Variants in IL1RAPL1 observed in about 807,000 individuals in gnomAD.
IL1RAPL1 encodes interleukin-1 receptor accessory protein-like 1.
A neutral mutation model predicts 48.4 loss-of-function variants in IL1RAPL1; 3 were observed. The observed-to-expected ratio is 0.06, with a 90% CI of 0.03 to 0.16. IL1RAPL1 has a LOEUF of 0.16. Among genes scored for constraint, IL1RAPL1 ranks in the 10% least tolerant of loss-of-function variants. The probability of loss-of-function intolerance (pLI) is 1.00; values close to 1 mark genes in which losing one functional copy is unlikely to be tolerated. For synonymous variants in IL1RAPL1, 185 were observed against 187.7 expected, an observed-to-expected ratio of 0.99 and a Z score of 0.12; for missense variants, 349 against 530.6, an observed-to-expected ratio of 0.66 and a Z score of 3.36.
At chrX:29,384,734 A>G (rs1382032651) in intron 3 of IL1RAPL1, among the ~76,000 whole-genome samples, 1 of 112,391 alleles carries the variant, frequency 8.9e-6, no homozygotes, top group Non-Finnish European at 1.9e-5. Flanking sequence ...TGCTTGAGCA[A>G]TTCGGTGGAT....
intron 6 of IL1RAPL1, among the ~76,000 whole-genome samples, chrX:29,901,435 T>C (rs756541372): frequency 3.6e-5 from 4 of 112,188 alleles, no homozygotes; most frequent in African/African-American, 9.7e-5. Context: ...CAGGGTTACA[T>C]GTAAGTTGTG....
intron 5 of IL1RAPL1, among the ~76,000 whole-genome samples, chrX:29,554,806 C>G (rs1295851758): frequency 8.9e-6 from 1 of 111,824 alleles, no homozygotes. Flanking sequence ...TGAATCTGCA[C>G]TTACTGTAAT....
At chrX:29,149,962 C>T (rs750038040) in intron 2 of IL1RAPL1, among the ~76,000 whole-genome samples, 15 of 111,514 alleles carry the variant, frequency 1.3e-4, no homozygotes, top group Non-Finnish European at 1.9e-4. Flanking sequence ...GTACTGTCAC[C>T]GATTAGATGT....
intron 3 of IL1RAPL1, among the ~76,000 whole-genome samples, chrX:29,379,730 G>A (rs976894514): frequency 9.0e-6 from 1 of 111,679 alleles, no homozygotes; most frequent in Non-Finnish European, 1.9e-5. Context: ...CAGTGCCTGC[G>A]TCACATTTCC....
intron 5 of IL1RAPL1, among the ~76,000 whole-genome samples, chrX:29,493,372 A>G (rs1392212757): frequency 8.9e-6 from 1 of 112,664 alleles, no homozygotes; most frequent in Admixed American, 9.4e-5. Context: ...CATATTTAAT[A>G]TGTTACATGA....
chrX:28,955,665 C>CTG (rs1222621571), intron 2 of IL1RAPL1, among the ~76,000 whole-genome samples: 1 of 108,105 alleles, frequency 9.3e-6, no homozygotes, highest in African/African-American at 3.4e-5. Flanking sequence ...CAGTAACATG[C>CTG]TGTTTTGGTT....
chrX:28,856,246 G>A (rs973775365), intron 2 of IL1RAPL1, among the ~76,000 whole-genome samples: 4 of 111,670 alleles, frequency 3.6e-5, no homozygotes, highest in Non-Finnish European at 7.5e-5. Context: ...ATATGTGACT[G>A]AGAGTTCTCC....
chrX:29,539,806 C>T (rs1921372218), intron 5 of IL1RAPL1, among the ~76,000 whole-genome samples: 1 of 111,490 alleles, frequency 9.0e-6, no homozygotes, highest in Non-Finnish European at 1.9e-5. Context: ...CCTGTACAGC[C>T]TGCAGAACTA....
chrX:29,573,786 T>C (rs1922674814), intron 5 of IL1RAPL1, among the ~76,000 whole-genome samples: 1 of 112,199 alleles, frequency 8.9e-6, no homozygotes, highest in Non-Finnish European at 1.9e-5. Context: ...AAATGGACTT[T>C]TGGCTAACTG....
intron 2 of IL1RAPL1, among the ~76,000 whole-genome samples, chrX:29,098,224 AT>A (rs763477435): frequency 9.1e-6 from 1 of 110,101 alleles, no homozygotes; most frequent in Non-Finnish European, 1.9e-5. Flanking sequence ...CATCTGCTCT[AT>A]TCCTTTTGAT....
At chrX:29,086,428 C>T (rs1023536272) in intron 2 of IL1RAPL1, among the ~76,000 whole-genome samples, 1 of 112,017 alleles carries the variant, frequency 8.9e-6, no homozygotes, top group Non-Finnish European at 1.9e-5. Context: ...AGGTAGAATT[C>T]CTCATATTTC....
chrX:29,377,322 CTA>C (rs1933636670), intron 3 of IL1RAPL1, among the ~76,000 whole-genome samples: 1 of 112,008 alleles, frequency 8.9e-6, no homozygotes, highest in Non-Finnish European at 1.9e-5. Context: ...GCTTGCCACT[CTA>C]TGTCTTTTAA....
chrX:28,911,892 C>T lies in IL1RAPL1; in HGVS notation c.82+122467C>T, dbSNP rs563886578. On this transcript the variant is annotated intron_variant, in intron 2 of 10. Coordinates refer to ENST00000378993, the MANE Select transcript of IL1RAPL1 (RefSeq NM_014271.4). Reference sequence around the variant, plus strand: ...TGAAGAGTTTTTATCAGTAGATTGACAAAAGGAAAGCAATACTCTTGTCAG... The same window carrying T: ...TGAAGAGTTTTTATCAGTAGATTGATAAAAGGAAAGCAATACTCTTGTCAG... Among the ~76,000 whole-genome samples the T allele has an allele frequency of 4.7e-4, 51 of 107,403 alleles. No individual in the cohort carries two copies. In the South Asian group the frequency reaches 0.018, roughly 39 times the overall value. 93.3% of individuals were successfully genotyped at this position (107,403 alleles called of 115,157 possible).
intron 6 of IL1RAPL1, among the ~76,000 whole-genome samples, chrX:29,787,377 A>G (rs1234959263): frequency 1.8e-5 from 2 of 112,226 alleles, no homozygotes; most frequent in Non-Finnish European, 3.8e-5. Flanking sequence ...TTTCCTAACA[A>G]TCTAAATTAC....
chrX:29,807,341 A>G (rs1186227484), intron 6 of IL1RAPL1, among the ~76,000 whole-genome samples: 1 of 110,370 alleles, frequency 9.1e-6, no homozygotes, highest in Non-Finnish European at 1.9e-5. Context: ...AACACTGGGC[A>G]TGGTGGCTCA....
chrX:29,085,438 T>G (rs1449454379), intron 2 of IL1RAPL1, among the ~76,000 whole-genome samples: 1 of 110,892 alleles, frequency 9.0e-6, no homozygotes, highest in East Asian at 2.8e-4. Context: ...TCTAAGAGGG[T>G]TTTTATATAT....
rs774052725 is a variant in IL1RAPL1, at chrX:28,629,701, AT to A, written c.-25+41656del. On this transcript the variant is annotated intron_variant, in intron 1 of 10. Coordinates refer to ENST00000378993, the MANE Select transcript of IL1RAPL1 (RefSeq NM_014271.4). ...ATGATTACCGGGAGCATGTCAGAAC[AT>A]TCTGTGTATCCATGGTGGTCAATGA... 6.4e-4 allele frequency among the ~76,000 whole-genome samples: 71 copies of A among 111,768 alleles called. No individual in the cohort carries two copies. The East Asian group carries it at 0.019, about 29-fold the overall frequency.
intron 3 of IL1RAPL1, among the ~76,000 whole-genome samples, chrX:29,391,161 C>T (rs1463516122): frequency 5.3e-4 from 55 of 104,586 alleles, no homozygotes; most frequent in Admixed American, 1.5e-3. Context: ...GCAACAAGAG[C>T]GAAATTCCAT....
chrX:28,699,824 C>T (rs929214694), intron 1 of IL1RAPL1, among the ~76,000 whole-genome samples: 3 of 111,622 alleles, frequency 2.7e-5, no homozygotes, highest in African/African-American at 9.8e-5. Flanking sequence ...TACTTAGAAA[C>T]AACGAAAGGC....
Sources: gnomAD v4.1 joint callset for allele counts (sites outside exome capture counted in the v4.1 genomes callset) on GRCh38, gnomAD v4.1.1 for gene constraint, MANE v1.5 for transcripts, NCBI Gene and HGNC (gene_info 2026-07-23, HGNC 2026-07-21) for gene names.